The following BMERB1 variants were observed in gnomAD, a reference collection of about 807,000 sequenced individuals.
BMERB1 encodes bMERB domain-containing protein 1.
In BMERB1, 12 loss-of-function variants were observed where a neutral mutation model predicts 23.6. The ratio of observed to expected loss-of-function variants is 0.51; its 90% confidence interval spans 0.33 to 0.82. The LOEUF (loss-of-function observed/expected upper bound fraction) is 0.82, where lower values mean the gene tolerates loss of function less well. Among genes scored for constraint, BMERB1 ranks in the 40% least tolerant of loss-of-function variants. The pLI is 0.03. For missense variants in BMERB1, 247 were observed against 255.4 expected (o/e 0.97, Z 0.22); for synonymous variants, 122 against 96.6 (o/e 1.26, Z -1.54).
At chr16:15,531,958 A>C (rs2051971948) in intron 2 of BMERB1, among the ~76,000 whole-genome samples, 2 of 152,196 alleles carry the variant, frequency 1.3e-5, no homozygotes, top group African/African-American at 4.8e-5. Context: ...CAAGTGACTT[A>C]GCAGAGCTGC....
chr16:15,477,203 T>TG (rs2051281843), intron 1 of BMERB1, among the ~76,000 whole-genome samples: 1 of 152,082 alleles, frequency 6.6e-6, no homozygotes, highest in Non-Finnish European at 1.5e-5. Context: ...GAATTGTGTG[T>TG]GGAAGGCACC....
chr16:15,572,868 A>T (rs770416218), intron 3 of BMERB1, among the ~76,000 whole-genome samples: 2 of 152,162 alleles, frequency 1.3e-5, no homozygotes, highest in African/African-American at 4.8e-5. Context: ...CATGGTAGTG[A>T]AGAAGTCTCA....
intron 1 of BMERB1, among the ~76,000 whole-genome samples, chr16:15,488,161 C>A (rs1223233869): frequency 6.6e-6 from 1 of 152,170 alleles, no homozygotes; most frequent in Non-Finnish European, 1.5e-5. Flanking sequence ...CTCAGCCCTG[C>A]TGTAACACAA....
chr16:15,520,709 G>A (rs1194442992), intron 2 of BMERB1, among the ~76,000 whole-genome samples: 2 of 151,866 alleles, frequency 1.3e-5, no homozygotes, highest in African/African-American at 4.8e-5. Flanking sequence ...GGATGGTCTC[G>A]ATCTCCTGAC....
intron 4 of BMERB1, among the ~76,000 whole-genome samples, chr16:15,582,731 A>G (rs553441300): frequency 2.6e-5 from 4 of 152,282 alleles, no homozygotes; most frequent in African/African-American, 7.2e-5. Flanking sequence ...AAGGCAGTTC[A>G]GCAAGTCTGC....
intron 2 of BMERB1, among the ~76,000 whole-genome samples, chr16:15,540,681 G>T (rs2052069817): frequency 6.6e-6 from 1 of 152,226 alleles, no homozygotes; most frequent in South Asian, 2.1e-4. Context: ...CTGGTGGCTG[G>T]TGTGAGGAGG....
At chr16:15,519,094 CACACACACACACACGT>C (rs1291495981) in intron 2 of BMERB1, among the ~76,000 whole-genome samples, 1 of 151,494 alleles carries the variant, frequency 6.6e-6, no homozygotes, top group Non-Finnish European at 1.5e-5. Flanking sequence ...CACACACACA[CACACACACACACACGT>C]GAGACACTCT....
chr16:15,540,299 G>A (rs2052066496), intron 2 of BMERB1, among the ~76,000 whole-genome samples: 1 of 151,930 alleles, frequency 6.6e-6, no homozygotes, highest in South Asian at 2.1e-4. Context: ...GCTGAGGTGG[G>A]GAGATCACTT....
Position 15,567,989 on chromosome 16 carries a change from T to A in BMERB1, c.237T>A (p.Asp79Glu). The A allele has an allele frequency of 6.2e-7, 1 of 1,613,548 alleles. No individual in the cohort carries two copies. The highest frequency in any genetic ancestry group is 8.5e-7 in the Non-Finnish European group (1 of 1,179,568). Residue 79 changes from aspartate to glutamate, a missense_variant, in exon 3 of 6, where the codon GAT (aspartate) becomes GAA (glutamate). Physicochemically the swap from Asp to Glu is conservative, Grantham distance 45 (BLOSUM62 2). Coordinates refer to ENST00000300006, the MANE Select transcript of BMERB1 (RefSeq NM_033201.3). Reference sequence around the variant, plus strand: ...TGGTGTCCTGTTTCCCCAGGATGGATGACATCCAGCTCTGCAAGGACATCA... The same window carrying A: ...TGGTGTCCTGTTTCCCCAGGATGGAAGACATCCAGCTCTGCAAGGACATCA... ...RRESELRFMM[D>E]DIQLCKDIMD...
At chr16:15,454,453 G>A (rs222130) in intron 1 of BMERB1, among the ~76,000 whole-genome samples, 75,610 of 151,950 alleles carry the variant, frequency 0.5, 19,012 homozygotes, top group Admixed American at 0.61. Flanking sequence ...CCAGCCTGTG[G>A]CAAATGCATG....
At position 15,502,416 on chromosome 16, in the gene BMERB1, G is replaced by A. The variant is rs1424811931; in HGVS notation, c.107-12889G>A. The A allele has an allele frequency of 2.7e-6, 4 of 1,489,570 alleles. No homozygotes were observed. The African/African-American group carries it at 4.2e-5, about 16-fold the overall frequency. 92.3% of individuals were successfully genotyped at this position (1,489,570 alleles called of 1,614,324 possible). A position where few individuals can be genotyped will look rare whatever the true frequency, so the allele number is the denominator to read the frequency against. On this transcript the variant is annotated intron_variant, in intron 1 of 5. Coordinates refer to ENST00000300006, the MANE Select transcript of BMERB1 (RefSeq NM_033201.3). ...GGGGGCCCAGTGGCATCCTCTCCAC[G>A]AGGCAGGCTGGGAGAAATCGAGCAG...
In BMERB1 at chr16:15,512,810, C is replaced by T. The variant is rs947873974; in HGVS notation, c.107-2495C>T. Among the ~76,000 whole-genome samples the T allele has an allele frequency of 4.0e-5, 6 of 151,070 alleles. No individual in the cohort carries two copies. The South Asian group carries it at 6.2e-4, about 16-fold the overall frequency. ...AGGAGAACTGCTTGAATCCGGGAGG[C>T]GGAGGTTGCAGTGAGCCGATATTGT... On this transcript the variant is annotated intron_variant, in intron 1 of 5. Coordinates refer to ENST00000300006, the MANE Select transcript of BMERB1 (RefSeq NM_033201.3).
intron 2 of BMERB1, among the ~76,000 whole-genome samples, chr16:15,555,831 C>A (rs1200308974): frequency 6.6e-6 from 1 of 152,104 alleles, no homozygotes; most frequent in East Asian, 1.9e-4. Context: ...CCTACGAAAG[C>A]TGAACCAATG....
intron 1 of BMERB1, among the ~76,000 whole-genome samples, chr16:15,455,588 G>A (rs2051079911): frequency 6.6e-6 from 1 of 151,636 alleles, no homozygotes; most frequent in Non-Finnish European, 1.5e-5. Context: ...AGCCTCCCAA[G>A]CAGATGGGAT....
At chr16:15,569,940 A>C (rs569026776) in intron 3 of BMERB1, among the ~76,000 whole-genome samples, 3 of 152,108 alleles carry the variant, frequency 2.0e-5, no homozygotes. Context: ...TTGGTGGAAA[A>C]GGTTATAATC....
At chr16:15,501,897 C>T (rs2051533784) in intron 1 of BMERB1, among the ~76,000 whole-genome samples, 1 of 152,256 alleles carries the variant, frequency 6.6e-6, no homozygotes, top group Admixed American at 6.5e-5. Flanking sequence ...GCTGGGATTA[C>T]AGGCATGTGC....
At chr16:15,570,558 T>C (rs1378811708) in intron 3 of BMERB1, among the ~76,000 whole-genome samples, 1 of 152,116 alleles carries the variant, frequency 6.6e-6, no homozygotes, top group African/African-American at 2.4e-5. Flanking sequence ...TACCCCTCAA[T>C]GGTGATGTTA....
chr16:15,549,060 C>T (rs1263473668), intron 2 of BMERB1, among the ~76,000 whole-genome samples: 3 of 152,096 alleles, frequency 2.0e-5, no homozygotes, highest in Non-Finnish European at 2.9e-5. Flanking sequence ...TGACTGCGGC[C>T]GGATGTGGTG....
At chr16:15,489,906 G>A (rs954639272) in intron 1 of BMERB1, among the ~76,000 whole-genome samples, 3 of 151,604 alleles carry the variant, frequency 2.0e-5, no homozygotes, top group African/African-American at 4.8e-5. Flanking sequence ...TTGCTCTGTC[G>A]CCCAGGCTGC....
Sources: allele counts gnomAD v4.1 joint callset (sites outside exome capture counted in the v4.1 genomes callset), GRCh38; gene constraint gnomAD v4.1.1; transcripts MANE v1.5; gene names NCBI Gene and HGNC (gene_info 2026-07-23, HGNC 2026-07-21).